Variants in CAST observed in about 807,000 individuals in gnomAD.
The protein encoded by CAST is MIR583 host.
Under a neutral mutation model 119.6 loss-of-function variants are expected in CAST, and 76 were observed. That is an observed-to-expected ratio of 0.64 (90% confidence interval 0.53 to 0.77). The LOEUF (loss-of-function observed/expected upper bound fraction) is 0.77. Among genes scored for constraint, CAST ranks in the 30% least tolerant of loss-of-function variants. CAST has a pLI of 0.00. For missense variants in CAST, 953 were observed against 946.5 expected (o/e 1.01, Z -0.09); for synonymous variants, 319 against 331.6 (o/e 0.96, Z 0.41).
At chr5:96,698,522 C>T (rs1753553703) in intron 3 of CAST, among the ~76,000 whole-genome samples, 1 of 152,180 alleles carries the variant, frequency 6.6e-6, no homozygotes, top group African/African-American at 2.4e-5. Flanking sequence ...TTCACCCCTT[C>T]CGTTCTCATA....
At chr5:96,753,874 A>G (rs538120946) in intron 20 of CAST, among the ~76,000 whole-genome samples, 186 bp from the exon 21 acceptor site, 1 of 152,364 alleles carries the variant, frequency 6.6e-6, no homozygotes, top group East Asian at 1.9e-4. Context: ...TAATATAAGA[A>G]ATTTGCTCGA....
At chr5:96,706,290 A>G (rs1322705620) in intron 3 of CAST, among the ~76,000 whole-genome samples, 2 of 152,236 alleles carry the variant, frequency 1.3e-5, no homozygotes, top group Non-Finnish European at 2.9e-5. Flanking sequence ...AAAATATATG[A>G]GCAAGGAACC....
At chr5:96,607,791 A>C (rs567067818) in intron 1 of CAST, among the ~76,000 whole-genome samples, 23 of 152,182 alleles carry the variant, frequency 1.5e-4, no homozygotes, top group Non-Finnish European at 3.1e-4. Context: ...ACCAGCCCAG[A>C]ATAGGTGGGC....
chr5:96,590,770 A>T (rs1431075395), intron 1 of CAST, among the ~76,000 whole-genome samples: 1 of 152,218 alleles, frequency 6.6e-6, no homozygotes, highest in Non-Finnish European at 1.5e-5. Flanking sequence ...TAAGATCTGC[A>T]CAACAACTAA....
chr5:96,560,378 C>T (rs1350287048), intron 1 of CAST, among the ~76,000 whole-genome samples: 4 of 151,692 alleles, frequency 2.6e-5, no homozygotes, highest in South Asian at 4.2e-4. Context: ...AACTAAAGAG[C>T]TTCTGCACAG....
At chr5:96,027,899 A>G in the CAST span, among the ~76,000 whole-genome samples, 2 of 152,154 alleles carry the variant, frequency 1.3e-5, no homozygotes, top group Non-Finnish European at 2.9e-5. Flanking sequence ...GAAGATGGAG[A>G]AAATAAAGGT....
At chr5:96,213,862 C>T in the CAST span, 1 of 152,174 alleles carries the variant, frequency 6.6e-6, no homozygotes, top group African/African-American at 2.4e-5. Flanking sequence ...CTCCCATCCC[C>T]TTCCCAAGAG....
the CAST span, among the ~76,000 whole-genome samples, chr5:96,359,620 G>T: frequency 0.023 from 3,469 of 152,220 alleles, 140 homozygotes; most frequent in African/African-American, 0.078. Context: ...TTAAAATTCT[G>T]GGTTGAAAAT....
At chr5:96,420,164 T>C in the CAST span, among the ~76,000 whole-genome samples, 4 of 152,242 alleles carry the variant, frequency 2.6e-5, no homozygotes, top group African/African-American at 9.6e-5. Context: ...GGAAGTTCAT[T>C]TAAGAAACAT....
chr5:96,588,475 C>T (rs1470404121), intron 1 of CAST, among the ~76,000 whole-genome samples: 3 of 152,156 alleles, frequency 2.0e-5, no homozygotes. Flanking sequence ...GCTGGGATTA[C>T]AGGCATGAGC....
chr5:96,612,566 C>T (rs1168909629), intron 1 of CAST, among the ~76,000 whole-genome samples: 1 of 152,038 alleles, frequency 6.6e-6, no homozygotes, highest in Non-Finnish European at 1.5e-5. Flanking sequence ...CATACATACC[C>T]GCTGAATCTA....
At chr5:96,235,721 T>G in the CAST span, among the ~76,000 whole-genome samples, 1 of 152,190 alleles carries the variant, frequency 6.6e-6, no homozygotes, top group African/African-American at 2.4e-5. Flanking sequence ...GCACATGACC[T>G]AGTTTCCTCC....
At chr5:96,662,551 C>A in intron 1 of CAST, 54 bp downstream of exon 1, 1 of 1,330,098 alleles carries the variant, frequency 7.5e-7, no homozygotes, top group Non-Finnish European at 9.6e-7. Flanking sequence ...TACCGGGTCC[C>A]GGAGCTGTGG....
At chr5:96,077,555 A>C in the CAST span, among the ~76,000 whole-genome samples, 9 of 152,176 alleles carry the variant, frequency 5.9e-5, no homozygotes, top group Non-Finnish European at 1.0e-4. Flanking sequence ...TGCTTAGGTC[A>C]TGGGGCCAGA....
the CAST span, among the ~76,000 whole-genome samples, chr5:96,299,975 GTTGT>G: frequency 6.6e-6 from 1 of 151,994 alleles, no homozygotes; most frequent in East Asian, 1.9e-4. Context: ...TTTCTTTACA[GTTGT>G]TTGAGTTGCT....
the CAST span, among the ~76,000 whole-genome samples, chr5:96,090,110 T>C: frequency 2.0e-5 from 3 of 152,216 alleles, no homozygotes; most frequent in East Asian, 3.9e-4. Context: ...CCTAGCACGA[T>C]GCCTAGGCCA....
At chr5:96,171,985 C>G in the CAST span, among the ~76,000 whole-genome samples, 2 of 152,222 alleles carry the variant, frequency 1.3e-5, no homozygotes, top group East Asian at 3.9e-4. Flanking sequence ...CACTCACATC[C>G]GTGTGAAGAG....
the CAST span, among the ~76,000 whole-genome samples, chr5:96,098,534 T>C: frequency 2.0e-5 from 3 of 152,220 alleles, no homozygotes; most frequent in South Asian, 6.2e-4. Context: ...TTCAATCTTC[T>C]GCATATGGCT....
chr5:96,107,606 T>C, the CAST span, among the ~76,000 whole-genome samples: 14 of 152,230 alleles, frequency 9.2e-5, no homozygotes, highest in African/African-American at 3.4e-4. Flanking sequence ...GTTAGTCTGA[T>C]GGGCTTCCCT....
Sources: gnomAD v4.1 joint callset for allele counts (sites outside exome capture counted in the v4.1 genomes callset) on GRCh38, gnomAD v4.1.1 for gene constraint, MANE v1.5 for transcripts, NCBI Gene and HGNC (gene_info 2026-07-23, HGNC 2026-07-21) for gene names.